THSD4: variants seen among roughly 807,000 people sequenced by gnomAD.
THSD4 encodes the protein thrombospondin type-1 domain-containing protein 4.
Under a neutral mutation model 119.0 loss-of-function variants are expected in THSD4, and 69 were observed. That is an observed-to-expected ratio of 0.58 (90% CI 0.48 to 0.71). The LOEUF is 0.71. Among genes scored for constraint, THSD4 ranks in the 30% least tolerant of loss-of-function variants. The probability of loss-of-function intolerance (pLI) is 0.00; values close to 1 mark genes in which losing one functional copy is unlikely to be tolerated. For missense variants in THSD4, 1,393 were observed against 1,391.1 expected (o/e 1.00, Z -0.02); for synonymous variants, 524 against 540.4 (o/e 0.97, Z 0.42).
intron 1 of THSD4, among the ~76,000 whole-genome samples, chr15:71,107,374 G>A (rs943482571): frequency 1.3e-5 from 2 of 149,556 alleles, no homozygotes; most frequent in African/African-American, 2.5e-5. Context: ...AAGAGAGAAG[G>A]AAGGAAGGAG....
intron 8 of THSD4, among the ~76,000 whole-genome samples, chr15:71,672,043 G>A (rs2051541925): frequency 2.0e-5 from 3 of 152,154 alleles, no homozygotes; most frequent in Admixed American, 2.0e-4. Context: ...TAGCTTAATG[G>A]GGATGGCATT....
rs563476190 is a variant in THSD4, at chr15:71,460,305, GTT to G, written c.1152+48503_1152+48504del. ...GTGGAGAAGAAATACAAGTTGCCTG[GTT>G]TTTTTTTTTTTTTTTTTTTTGAAAG... is the stretch of plus-strand genomic sequence containing the variant. On this transcript the variant is annotated intron_variant, in intron 7 of 17. Transcript: ENST00000261862. Among the ~76,000 whole-genome samples the G allele has an allele frequency of 2.3e-3, 281 of 122,568 alleles. 2 individuals are homozygous for G. Among genetic ancestry groups the G allele is most frequent in the African/African-American group, 7.6e-3 (256 of 33,486 alleles). 80.4% of individuals were successfully genotyped at this position (122,568 alleles called of 152,430 possible). A position where few individuals can be genotyped will look rare whatever the true frequency, so the allele number is the denominator to read the frequency against.
At chr15:71,466,491 C>G (rs1253749620) in intron 7 of THSD4, among the ~76,000 whole-genome samples, 1 of 152,196 alleles carries the variant, frequency 6.6e-6, no homozygotes, top group Non-Finnish European at 1.5e-5. Flanking sequence ...TCCAAGACAT[C>G]ATGTCCTTTA....
At chr15:71,658,699 G>A (rs908161460) in intron 7 of THSD4, among the ~76,000 whole-genome samples, 20 of 152,320 alleles carry the variant, frequency 1.3e-4, no homozygotes, top group African/African-American at 4.8e-4. Context: ...AAATGTGCGT[G>A]GGGCAGATTG....
At chr15:71,692,803 C>T (rs1205830025) in intron 8 of THSD4, among the ~76,000 whole-genome samples, 1 of 152,282 alleles carries the variant, frequency 6.6e-6, no homozygotes, top group African/African-American at 2.4e-5. Flanking sequence ...TGAAGGGACT[C>T]ATGTTCCAGG....
intron 7 of THSD4, among the ~76,000 whole-genome samples, chr15:71,459,376 C>CTCTG (rs780591698): frequency 9.2e-6 from 1 of 109,030 alleles, no homozygotes; most frequent in Non-Finnish European, 2.2e-5. Flanking sequence ...CTCTCTGTCT[C>CTCTG]TCTGTCTCTC....
intron 7 of THSD4, among the ~76,000 whole-genome samples, chr15:71,652,516 G>A (rs1415719750): frequency 6.6e-6 from 1 of 152,176 alleles, no homozygotes; most frequent in African/African-American, 2.4e-5. Context: ...AATTATGAAA[G>A]TAAAGCATTA....
intron 6 of THSD4, among the ~76,000 whole-genome samples, chr15:71,353,912 G>A (rs1339055357): frequency 6.6e-6 from 1 of 152,196 alleles, no homozygotes; most frequent in Non-Finnish European, 1.5e-5. Flanking sequence ...ACACGTATGA[G>A]TAAAGAGAGG....
intron 6 of THSD4, among the ~76,000 whole-genome samples, chr15:71,291,725 A>T (rs1449475226): frequency 6.6e-6 from 1 of 152,218 alleles, no homozygotes; most frequent in Non-Finnish European, 1.5e-5. Context: ...TGGGCACCCT[A>T]TGACCCAGTG....
At chr15:71,576,256 C>G (rs1000502689) in intron 7 of THSD4, among the ~76,000 whole-genome samples, 7 of 152,152 alleles carry the variant, frequency 4.6e-5, no homozygotes, top group South Asian at 2.1e-4. Flanking sequence ...TAATCTTTCT[C>G]AATACATTTG....
intron 1 of THSD4, among the ~76,000 whole-genome samples, chr15:71,135,245 A>C (rs1439096845): frequency 6.8e-6 from 1 of 146,704 alleles, no homozygotes; most frequent in Non-Finnish European, 1.5e-5. Flanking sequence ...GAGGGGTAGC[A>C]TTGGGAGATA....
chr15:71,427,167 A>G (rs2046880943), intron 7 of THSD4, among the ~76,000 whole-genome samples: 1 of 151,468 alleles, frequency 6.6e-6, no homozygotes, highest in African/African-American at 2.4e-5. Flanking sequence ...TTCTTTATAT[A>G]TATTAAATAA....
chr15:71,608,213 A>G (rs2050147460), intron 7 of THSD4, among the ~76,000 whole-genome samples: 1 of 123,046 alleles, frequency 8.1e-6, no homozygotes, highest in Non-Finnish European at 1.7e-5. Context: ...ACAGAGCAAA[A>G]CTCTGTCTCA....
intron 2 of THSD4, among the ~76,000 whole-genome samples, chr15:71,154,306 C>T (rs1402645006): frequency 6.6e-6 from 1 of 152,188 alleles, no homozygotes; most frequent in Non-Finnish European, 1.5e-5. Context: ...GACAGTGAGG[C>T]TTAGCACAGC....
intron 1 of THSD4, among the ~76,000 whole-genome samples, chr15:71,129,360 A>C (rs1173721854): frequency 6.6e-6 from 1 of 152,176 alleles, no homozygotes; most frequent in Non-Finnish European, 1.5e-5. Context: ...CTTATTGTTG[A>C]CATTTTTCTA....
intron 6 of THSD4, among the ~76,000 whole-genome samples, chr15:71,354,909 A>G (rs1407989313): frequency 6.6e-6 from 1 of 152,166 alleles, no homozygotes; most frequent in Non-Finnish European, 1.5e-5. Flanking sequence ...CCCTCCAGTA[A>G]ACTTCACACT....
At chr15:71,560,540 G>T (rs940188738) in intron 7 of THSD4, among the ~76,000 whole-genome samples, 1 of 152,212 alleles carries the variant, frequency 6.6e-6, no homozygotes, top group Non-Finnish European at 1.5e-5. Context: ...ATTGAAGAAT[G>T]CTTAGGGGTT....
intron 7 of THSD4, among the ~76,000 whole-genome samples, chr15:71,493,939 C>T (rs2047967067): frequency 6.6e-6 from 1 of 152,170 alleles, no homozygotes; most frequent in African/African-American, 2.4e-5. Flanking sequence ...CTGGGTGGCC[C>T]CAGGACTGGC....
intron 7 of THSD4, among the ~76,000 whole-genome samples, chr15:71,428,675 A>G (rs2046905199): frequency 6.6e-6 from 1 of 152,238 alleles, no homozygotes; most frequent in Non-Finnish European, 1.5e-5. Context: ...AAAGTGTCAG[A>G]TGAAAACACT....
Sources: gnomAD v4.1 joint callset for allele counts (sites outside exome capture counted in the v4.1 genomes callset) on GRCh38, gnomAD v4.1.1 for gene constraint, MANE v1.5 for transcripts, NCBI Gene and HGNC (gene_info 2026-07-23, HGNC 2026-07-21) for gene names.